The following B3GALT1 variants were observed in gnomAD, a reference collection of about 807,000 sequenced individuals.
B3GALT1 encodes the protein beta-1,3-galactosyltransferase 1.
In B3GALT1, 10 loss-of-function variants were observed where a neutral mutation model predicts 23.2. The ratio of observed to expected loss-of-function variants is 0.43; its 90% CI spans 0.27 to 0.73. The LOEUF is 0.73. Among genes scored for constraint, B3GALT1 ranks in the 30% least tolerant of loss-of-function variants. The pLI is 0.21. For synonymous variants in B3GALT1, 156 were observed against 141.5 expected, an observed-to-expected ratio of 1.10 and a Z score of -0.73; for missense variants, 299 against 405.4, an observed-to-expected ratio of 0.74 and a Z score of 2.25.
At chr2:167,333,312 A>C (rs943504457) in intron 1 of B3GALT1, among the ~76,000 whole-genome samples, 1 of 152,186 alleles carries the variant, frequency 6.6e-6, no homozygotes, top group Middle Eastern at 3.2e-3. Context: ...CATGGAGCCC[A>C]AAAGACAACA....
At chr2:167,439,300 T>C (rs1254353822) in intron 1 of B3GALT1, among the ~76,000 whole-genome samples, 2 of 152,222 alleles carry the variant, frequency 1.3e-5, no homozygotes, top group African/African-American at 4.8e-5. Context: ...TGTTATATCA[T>C]CTTAAGCCAC....
At chr2:167,318,694 G>C (rs73015836) in intron 1 of B3GALT1, among the ~76,000 whole-genome samples, 2 of 152,122 alleles carry the variant, frequency 1.3e-5, no homozygotes, top group African/African-American at 4.8e-5. Flanking sequence ...AACTGCACTC[G>C]TTGGCTAAGG....
chr2:167,797,191 A>C (rs982301060), intron 3 of B3GALT1, among the ~76,000 whole-genome samples: 2 of 152,152 alleles, frequency 1.3e-5, no homozygotes, highest in African/African-American at 4.8e-5. Flanking sequence ...ATGTGTTCTC[A>C]TCATTAGCTC....
intron 2 of B3GALT1, among the ~76,000 whole-genome samples, chr2:167,603,750 G>T (rs1204062176): frequency 6.6e-6 from 1 of 152,102 alleles, no homozygotes; most frequent in Non-Finnish European, 1.5e-5. Context: ...TTCCCTTGAA[G>T]TTCAAATTGT....
At chr2:167,532,891 C>T (rs181160067) in intron 2 of B3GALT1, among the ~76,000 whole-genome samples, 3,537 of 114,006 alleles carry the variant, frequency 0.031, 134 homozygotes, top group East Asian at 0.12. Context: ...GACAGAGTTT[C>T]GCTCTTGTTG....
chr2:167,675,526 C>T (rs1021377753), intron 3 of B3GALT1, among the ~76,000 whole-genome samples: 10 of 152,094 alleles, frequency 6.6e-5, no homozygotes, highest in East Asian at 1.9e-4. Flanking sequence ...GACTGGCTGT[C>T]GGCTCATGGT....
intron 1 of B3GALT1, among the ~76,000 whole-genome samples, chr2:167,456,944 C>G (rs976019345): frequency 6.6e-6 from 1 of 152,146 alleles, no homozygotes; most frequent in Non-Finnish European, 1.5e-5. Context: ...CCCCCTCCTT[C>G]GCTCCTTGGA....
At chr2:167,675,358 T>C (rs1686407102) in intron 3 of B3GALT1, among the ~76,000 whole-genome samples, 1 of 152,210 alleles carries the variant, frequency 6.6e-6, no homozygotes, top group Non-Finnish European at 1.5e-5. Flanking sequence ...ACACCTGTAT[T>C]CTCCTCAAAG....
intron 1 of B3GALT1, among the ~76,000 whole-genome samples, chr2:167,342,340 C>T (rs1412318220): frequency 6.6e-6 from 1 of 152,180 alleles, no homozygotes; most frequent in Non-Finnish European, 1.5e-5. Flanking sequence ...GTAATCCTAG[C>T]ACTTTGGGAT....
chr2:167,457,375 G>A (rs112872468), intron 1 of B3GALT1, among the ~76,000 whole-genome samples: 3,658 of 151,946 alleles, frequency 0.024, 143 homozygotes, highest in African/African-American at 0.084. Flanking sequence ...GTTTCACCAT[G>A]TCGGGCAGGC....
chr2:167,747,469 AAG>A (rs1387970201), intron 3 of B3GALT1, among the ~76,000 whole-genome samples: 7 of 152,222 alleles, frequency 4.6e-5, no homozygotes. Context: ...TACAGCTTGA[AAG>A]AGATTCAGAA....
rs1358617994 is a variant in B3GALT1 at position 167,508,284 on chromosome 2, G to T, written c.-410+18007G>T. 2.8e-5 allele frequency among the ~76,000 whole-genome samples: 4 copies of T among 140,964 alleles called. No individual in the cohort carries two copies. In the Admixed American group the frequency reaches 2.9e-4, roughly 10 times the overall value. 92.5% of individuals were successfully genotyped at this position (140,964 alleles called of 152,430 possible). ...TTTTTTTTTTTTTTTTTCAGACGGA[G>T]TCTTGCTCTGTCACCCAGGCTGGAG... On this transcript the variant is annotated intron_variant, in intron 2 of 4. Transcript: ENST00000392690.
chr2:167,640,889 T>G (rs1315382885), intron 2 of B3GALT1, among the ~76,000 whole-genome samples: 1 of 152,160 alleles, frequency 6.6e-6, no homozygotes, highest in Non-Finnish European at 1.5e-5. Context: ...AAATGAACAT[T>G]CGGATAAATT....
intron 2 of B3GALT1, among the ~76,000 whole-genome samples, chr2:167,500,778 T>G (rs756720035): frequency 8.8e-4 from 134 of 152,304 alleles, no homozygotes; most frequent in Middle Eastern, 3.4e-3. Context: ...TCAATTCATG[T>G]GCTAAATTAC....
At chr2:167,465,248 T>G (rs530252009) in intron 1 of B3GALT1, among the ~76,000 whole-genome samples, 3 of 152,344 alleles carry the variant, frequency 2.0e-5, no homozygotes, top group Non-Finnish European at 2.9e-5. Context: ...GTTCCAACAG[T>G]CTGTTGCCCA....
intron 2 of B3GALT1, among the ~76,000 whole-genome samples, chr2:167,619,014 T>C (rs993464264): frequency 4.6e-5 from 7 of 151,958 alleles, no homozygotes; most frequent in Non-Finnish European, 1.0e-4. Flanking sequence ...ATGTTTCTCA[T>C]CTACCCTACC....
chr2:167,805,949 C>T (rs1212889299), intron 3 of B3GALT1, among the ~76,000 whole-genome samples: 2 of 152,000 alleles, frequency 1.3e-5, no homozygotes, highest in Non-Finnish European at 2.9e-5. Flanking sequence ...ATTGATTCTT[C>T]CTACCCATGA....
At position 167,759,141 on chromosome 2, in the gene B3GALT1, G is replaced by A. The variant is rs1000497883; in HGVS notation, c.-351-59531G>A. Among the ~76,000 whole-genome samples, 4 of 152,290 alleles carry A rather than the reference G, an allele frequency of 2.6e-5. No individual in the cohort carries two copies. In the East Asian group the frequency reaches 5.8e-4, roughly 22 times the overall value. On this transcript the variant is annotated intron_variant, in intron 3 of 4. Coordinates refer to ENST00000392690, the MANE Select transcript of B3GALT1 (RefSeq NM_020981.4). The stretch of plus-strand genomic sequence containing the variant: ...AGACGTAGAGGAGAGAATGACTGAC[G>A]AAACACTGACTCCGTTCTCGAGGTT...
chr2:167,512,505 C>T (rs1431131738), intron 2 of B3GALT1, among the ~76,000 whole-genome samples: 329 of 141,504 alleles, frequency 2.3e-3, no homozygotes, highest in African/African-American at 8.2e-3. Flanking sequence ...TTATATTATA[C>T]ATGCATATAT....
Sources: allele counts gnomAD v4.1 joint callset (sites outside exome capture counted in the v4.1 genomes callset), GRCh38; gene constraint gnomAD v4.1.1; transcripts MANE v1.5; gene names NCBI Gene and HGNC (gene_info 2026-07-23, HGNC 2026-07-21).